The following GPR149 variants were observed in gnomAD, a reference collection of about 807,000 sequenced individuals.
The protein encoded by GPR149 is probable G protein-coupled receptor 149.
A neutral mutation model predicts 50.2 loss-of-function variants in GPR149; 50 were observed. The observed-to-expected ratio is 1.00, with a 90% CI of 0.79 to 1.26. The LOEUF (loss-of-function observed/expected upper bound fraction) is 1.26, where lower values mean the gene tolerates loss of function less well. Ranked by LOEUF, GPR149 falls within the 50% of genes most tolerant of loss-of-function variation. GPR149 has a pLI of 0.00. For missense variants in GPR149, 983 were observed against 895.4 expected (o/e 1.10, Z -1.25); for synonymous variants, 405 against 358.2 (o/e 1.13, Z -1.48).
intron 3 of GPR149, among the ~76,000 whole-genome samples, chr3:154,362,895 C>T (rs1167208817): frequency 6.6e-6 from 1 of 152,088 alleles, no homozygotes; most frequent in Admixed American, 6.6e-5. Flanking sequence ...ATTAAGGATT[C>T]AGTGCAGAAA....
At chr3:154,356,302 C>T (rs1172012893) in intron 3 of GPR149, among the ~76,000 whole-genome samples, 2 of 152,036 alleles carry the variant, frequency 1.3e-5, no homozygotes. Flanking sequence ...CTGTGAGTCA[C>T]TGAATTTGAA....
At chr3:154,377,287 T>A (rs1393835656) in intron 3 of GPR149, among the ~76,000 whole-genome samples, 1 of 150,830 alleles carries the variant, frequency 6.6e-6, no homozygotes, top group Non-Finnish European at 1.5e-5. Flanking sequence ...TTATAAAGCA[T>A]GTCTTTGTAA....
At chr3:154,381,467 T>C (rs1271916730) in intron 3 of GPR149, among the ~76,000 whole-genome samples, 1 of 152,222 alleles carries the variant, frequency 6.6e-6, no homozygotes, top group Non-Finnish European at 1.5e-5. Context: ...TTTTCTTGAG[T>C]GCCAAGAAAA....
At position 154,353,804 on chromosome 3, in the gene GPR149, T is replaced by C. The variant is rs1325585121; in HGVS notation, c.1624-15533A>G. 5.8e-6 allele frequency: 4 copies of C among 689,284 alleles called. No individual in the cohort carries two copies. The East Asian group carries it at 1.1e-4, about 18-fold the overall frequency. The allele number at this position is 689,284 out of a possible 1,614,324, so 42.7% of individuals were successfully genotyped here. ...CCTGTTCCTGTCCATGCTCGAGCTATTAAATCTTTTCTTTCAAATACAGGA... is the reference window on the plus strand; with the variant it reads ...CCTGTTCCTGTCCATGCTCGAGCTACTAAATCTTTTCTTTCAAATACAGGA... On this transcript the variant is annotated intron_variant, in intron 3 of 3. Coordinates refer to ENST00000389740, the MANE Select transcript of GPR149 (RefSeq NM_001038705.3).
chr3:154,422,941 C>T (rs187842759), intron 2 of GPR149, among the ~76,000 whole-genome samples: 2 of 151,926 alleles, frequency 1.3e-5, no homozygotes, highest in East Asian at 1.9e-4. Context: ...GACAAATTGT[C>T]ATTTCAAGGC....
chr3:154,368,011 C>T (rs534091459), intron 3 of GPR149, among the ~76,000 whole-genome samples: 49 of 152,336 alleles, frequency 3.2e-4, no homozygotes, highest in Non-Finnish European at 1.5e-5. Flanking sequence ...GGCTGTCTAA[C>T]AACCCCCGAC....
intron 3 of GPR149, among the ~76,000 whole-genome samples, chr3:154,362,380 G>A (rs944798876): frequency 6.6e-6 from 1 of 151,702 alleles, no homozygotes; most frequent in Non-Finnish European, 1.5e-5. Context: ...AAAAAGACAT[G>A]GAGAAATATC....
chr3:154,423,918 A>G (rs1349686905), intron 2 of GPR149, among the ~76,000 whole-genome samples: 2 of 151,824 alleles, frequency 1.3e-5, no homozygotes. Context: ...TTACATATGT[A>G]TACATGTGCC....
In GPR149 at chr3:154,428,958, C is replaced by A. The variant is rs761917713; in HGVS notation, c.658G>T (p.Glu220Ter). Reference sequence around the variant, plus strand: ...TTGGAGTGGAGTCTCGGCGGCTCCTCCGAACACAGCAATCGGTGAGTGAGT... The same window carrying A: ...TTGGAGTGGAGTCTCGGCGGCTCCTACGAACACAGCAATCGGTGAGTGAGT... ...VPLTHRLLCS[E>*]EPPRLHSNYQ... Residue 220 changes from glutamate to a stop codon, truncating the protein, a stop_gained, in exon 1 of 4, where the codon GAG (glutamate) becomes TAG (stop). Transcript: ENST00000389740. LOFTEE classifies it high-confidence loss of function. 1 of 1,613,950 alleles carries A rather than the reference C, an allele frequency of 6.2e-7. No individual in the cohort carries two copies. The highest frequency in any genetic ancestry group is 1.3e-5 in the African/African-American group (1 of 74,920).
rs905178859 is a variant in GPR149, at chr3:154,353,688, A to G, written c.1624-15417T>C. ...TGCCAGTTCCCTTGCTGGAGCCAAA[A>G]CAAGTACCTTTGTTGAGCAGCTTTT... On this transcript the variant is annotated intron_variant, in intron 3 of 3. Coordinates refer to ENST00000389740, the MANE Select transcript of GPR149 (RefSeq NM_001038705.3). 12 of 1,311,250 alleles carry G rather than the reference A, an allele frequency of 9.2e-6. No homozygotes were observed. In the African/African-American group the frequency reaches 1.8e-4, roughly 19 times the overall value. 81.2% of individuals were successfully genotyped at this position (1,311,250 alleles called of 1,614,324 possible).
At chr3:154,355,510 G>T in intron 3 of GPR149, among the ~76,000 whole-genome samples, 1 of 152,130 alleles carries the variant, frequency 6.6e-6, no homozygotes, top group East Asian at 1.9e-4. Flanking sequence ...TAATAGAAAC[G>T]AAACCTCTAG....
intron 3 of GPR149, among the ~76,000 whole-genome samples, chr3:154,381,454 C>T (rs989916080): frequency 1.3e-5 from 2 of 152,136 alleles, no homozygotes; most frequent in African/African-American, 4.8e-5. Context: ...TTTAAACTAG[C>T]ATTTTTCTTG....
At chr3:154,358,511 T>C (rs1714300444) in intron 3 of GPR149, among the ~76,000 whole-genome samples, 1 of 152,090 alleles carries the variant, frequency 6.6e-6, no homozygotes, top group Admixed American at 6.6e-5. Context: ...AGATCCAAGA[T>C]ACTTGAAAAG....
intron 3 of GPR149, among the ~76,000 whole-genome samples, chr3:154,390,741 C>A (rs997420393): frequency 6.6e-6 from 1 of 151,888 alleles, no homozygotes; most frequent in Non-Finnish European, 1.5e-5. Flanking sequence ...ATAGAGTAAA[C>A]CCAAAGAAAT....
rs1339409746 is a variant in GPR149 at position 154,337,527 on chromosome 3, A to G, written c.*172T>C. The G allele has an allele frequency of 2.2e-6, 1 of 463,428 alleles. No homozygotes were observed. Among genetic ancestry groups the G allele is most frequent in the East Asian group, 3.2e-5 (1 of 31,692 alleles). The allele number at this position is 463,428 out of a possible 1,614,324, so 28.7% of individuals were successfully genotyped here. ...GTGTGATCTTTAGGTAACACATCAA[A>G]TGCACTTAAGTGTTTACACTAGTTC... On this transcript the variant is annotated 3_prime_UTR_variant, in exon 4 of 4. Transcript: ENST00000389740.
chr3:154,397,310 C>T (rs988886504), intron 3 of GPR149, among the ~76,000 whole-genome samples: 4 of 151,936 alleles, frequency 2.6e-5, no homozygotes, highest in Non-Finnish European at 5.9e-5. Context: ...TTGAGGACAG[C>T]CAGCTTGGAG....
At chr3:154,369,435 C>G (rs1455944145) in intron 3 of GPR149, among the ~76,000 whole-genome samples, 2 of 152,164 alleles carry the variant, frequency 1.3e-5, no homozygotes, top group Non-Finnish European at 2.9e-5. Flanking sequence ...TGCCCTGTGC[C>G]AAGCCTGCAA....
intron 3 of GPR149, among the ~76,000 whole-genome samples, chr3:154,363,930 T>G (rs1714472710): frequency 6.6e-6 from 1 of 152,230 alleles, no homozygotes; most frequent in Non-Finnish European, 1.5e-5. Context: ...CCAGTGTTCA[T>G]GTACCTTATT....
chr3:154,408,463 G>T (rs1056389230), intron 3 of GPR149, among the ~76,000 whole-genome samples: 2 of 152,200 alleles, frequency 1.3e-5, no homozygotes, highest in Non-Finnish European at 2.9e-5. Flanking sequence ...CCTGGAAATA[G>T]ACGCAAGGCT....
Sources: allele counts gnomAD v4.1 joint callset (sites outside exome capture counted in the v4.1 genomes callset), GRCh38; gene constraint gnomAD v4.1.1; transcripts MANE v1.5; gene names NCBI Gene and HGNC (gene_info 2026-07-23, HGNC 2026-07-21).